Variants in PNMA3 observed in about 807,000 individuals in gnomAD.
The protein encoded by PNMA3 is PNMA family member 3.
In PNMA3, 10 loss-of-function variants were observed where a neutral mutation model predicts 25.1. The ratio of observed to expected loss-of-function variants is 0.40; its 90% CI spans 0.25 to 0.68. The LOEUF (loss-of-function observed/expected upper bound fraction) is 0.68, where lower values mean the gene tolerates loss of function less well. Among genes scored for constraint, PNMA3 ranks in the 30% least tolerant of loss-of-function variants. The probability of loss-of-function intolerance (pLI) is 0.40; values close to 1 mark genes in which losing one functional copy is unlikely to be tolerated. For synonymous variants in PNMA3, 134 were observed against 148.7 expected, an observed-to-expected ratio of 0.90 and a Z score of 0.72; for missense variants, 317 against 372.1, an observed-to-expected ratio of 0.85 and a Z score of 1.22.
rs1196753070 is a variant in PNMA3, at chrX:153,057,101, A to G, written c.46A>G (p.Asn16Asp). ...GGACTGGTGTCGGGGGGAACACCTGAACACCCGGAGGTGCATGCTCATCCT... is the reference window on the plus strand; with the variant it reads ...GGACTGGTGTCGGGGGGAACACCTGGACACCCGGAGGTGCATGCTCATCCT... ...LQDWCRGEHL[N>D]TRRCMLILGI... The change falls in exon 2 of 2, where the codon AAC (asparagine) becomes GAC (aspartate). Residue 16 changes from asparagine to aspartate, a missense_variant. Coordinates refer to ENST00000593810, the MANE Select transcript of PNMA3 (RefSeq NM_013364.6). The G allele has an allele frequency of 5.0e-6, 6 of 1,211,291 alleles. No individual in the cohort carries two copies. Among genetic ancestry groups the G allele is most frequent in the Non-Finnish European group, 5.6e-6 (5 of 895,296 alleles).
In PNMA3 at chrX:153,057,464, A is replaced by G. The variant is rs1412542828; in HGVS notation, c.409A>G (p.Ile137Val). 4.1e-6 allele frequency: 5 copies of G among 1,211,006 alleles called. No homozygotes were observed. The highest frequency in any genetic ancestry group is 4.5e-6 in the Non-Finnish European group (4 of 895,135). The change falls in exon 2 of 2, where the codon ATA (isoleucine) becomes GTA (valine). Residue 137 changes from isoleucine to valine, a missense_variant. Transcript: ENST00000593810. Reference protein sequence around the residue: ...DTNCSAPRVTISPEFWTWAQT... With the variant: ...DTNCSAPRVTVSPEFWTWAQT... ...CAATTGTTCGGCTCCAAGAGTGACTATATCACCAGAGTTCTGGACCTGGGC... is the reference window on the plus strand; with the variant it reads ...CAATTGTTCGGCTCCAAGAGTGACTGTATCACCAGAGTTCTGGACCTGGGC...
In PNMA3 at chrX:153,057,992, C is replaced by T; in HGVS notation, c.937C>T (p.Leu313=). 1 of 1,212,396 alleles carries T rather than the reference C, an allele frequency of 8.2e-7. No individual in the cohort carries two copies. ...TGACAAACTCCGAGATAAGCTTAAG[C>T]TGATGAAACAGCGAAGGAAGCCTCC... ...LPDKLRDKLK[L]MKQRRKPPGF... Residue 313 remains leucine (L), a synonymous_variant, in exon 2 of 2, where the codon CTG becomes TTG. Coordinates refer to ENST00000593810, the MANE Select transcript of PNMA3 (RefSeq NM_013364.6).
In PNMA3 at chrX:153,059,558, C is replaced by G; in HGVS notation, c.*1111C>G. On this transcript the variant is annotated 3_prime_UTR_variant, in exon 2 of 2. Coordinates refer to ENST00000593810, the MANE Select transcript of PNMA3 (RefSeq NM_013364.6). ...ATGCCTGGGTCTCCCAAGAGGGGTCCCCCAACTCACTGTTCCCGGGACAGG... is the reference window on the plus strand; with the variant it reads ...ATGCCTGGGTCTCCCAAGAGGGGTCGCCCAACTCACTGTTCCCGGGACAGG... The G allele has an allele frequency of 8.0e-6, 1 of 125,077 alleles. No homozygotes were observed. The allele number at this position is 125,077 out of a possible 1,213,427, so 10.3% of individuals were successfully genotyped here. A position where few individuals can be genotyped will look rare whatever the true frequency, so the allele number is the denominator to read the frequency against.
rs782477150 is a variant in PNMA3 at position 153,056,935 on chromosome X, T to C, written c.-106-15T>C. 1.7e-3 allele frequency: 1,680 copies of C among 1,011,098 alleles called. 2 individuals are homozygous for C. The highest frequency in any genetic ancestry group is 2.1e-3 in the Non-Finnish European group (1,563 of 753,384). The allele number at this position is 1,011,098 out of a possible 1,213,427, so 83.3% of individuals were successfully genotyped here. On this transcript the variant is annotated splice_polypyrimidine_tract_variant and intron_variant, in intron 1 of 1. Transcript: ENST00000593810. ...GTGGGCATTAACCTCGCTCTCGCCC[T>C]GCTCGCATTCACAGGCTGTGGAGAC...
Position 153,057,985 on chromosome X carries a change from G to A in PNMA3, c.930G>A (p.Lys310=), listed in dbSNP as rs1556932321. The A allele has an allele frequency of 2.5e-6, 3 of 1,211,424 alleles. No homozygotes were observed. The highest frequency in any genetic ancestry group is 5.9e-5 in the East Asian group (2 of 33,802). Residue 310 remains lysine, a synonymous_variant, in exon 2 of 2, where the codon AAG becomes AAA. Coordinates refer to ENST00000593810, the MANE Select transcript of PNMA3 (RefSeq NM_013364.6). The stretch of plus-strand genomic sequence containing the variant: ...CCCTTCCTGACAAACTCCGAGATAA[G>A]CTTAAGCTGATGAAACAGCGAAGGA... ...GATLPDKLRD[K]LKLMKQRRKP...
At chrX:153,056,859 G>A in intron 1 of PNMA3, 91 bp from the exon 2 acceptor site, 1 of 479,323 alleles carries the variant, frequency 2.1e-6, no homozygotes, top group Non-Finnish European at 3.1e-6. Context: ...CGGGGAGGAG[G>A]GCGGCTGGGG....
In PNMA3 at chrX:153,058,142, G is replaced by A. The variant is rs200461938; in HGVS notation, c.1087G>A (p.Val363Ile). ...APRPPARITG[V>I]GAVPLPASGN... Reference sequence around the variant, plus strand: ...AAGGCCACCTGCCAGGATCACTGGGGTTGGGGCAGTACCTCTCCCTGCCTC... The same window carrying A: ...AAGGCCACCTGCCAGGATCACTGGGATTGGGGCAGTACCTCTCCCTGCCTC... The change falls in exon 2 of 2, where the codon GTT becomes ATT. Residue 363 changes from valine (V) to isoleucine (I), a missense_variant. Transcript: ENST00000593810. 3.3e-6 allele frequency: 4 copies of A among 1,210,834 alleles called. No individual in the cohort carries two copies.
At position 153,058,427 on chromosome X, in the gene PNMA3, C is replaced by T; in HGVS notation, c.1372C>T (p.Pro458Ser). Residue 458 changes from proline to serine, a missense_variant, in exon 2 of 2, where the codon CCC (proline) becomes TCC (serine). Transcript: ENST00000593810. ...NGNWAWDKSH[P>S]KSKAK ...GAACTGGGCTTGGGACAAGAGCCATCCCAAGTCCAAGGCCAAGTAGGCTCG... is the reference window on the plus strand; with the variant it reads ...GAACTGGGCTTGGGACAAGAGCCATTCCAAGTCCAAGGCCAAGTAGGCTCG... 1 of 1,212,038 alleles carries T rather than the reference C, an allele frequency of 8.3e-7. No individual in the cohort carries two copies.
At position 153,057,526 on chromosome X, in the gene PNMA3, A is replaced by G; in HGVS notation, c.471A>G (p.Glu157=). The change falls in exon 2 of 2, where the codon GAA becomes GAG. Residue 157 remains glutamate (E), a synonymous_variant. Coordinates refer to ENST00000593810, the MANE Select transcript of PNMA3 (RefSeq NM_013364.6). ...TLGAAVQPLL[E]QMLYRELRVF... The stretch of plus-strand genomic sequence containing the variant: ...GGGCAGCAGTGCAGCCTCTGCTAGA[A>G]CAAATGTTGTACCGAGAACTAAGAG... 1 of 1,211,826 alleles carries G rather than the reference A, an allele frequency of 8.3e-7. No homozygotes were observed. Among genetic ancestry groups the G allele is most frequent in the South Asian group, 1.8e-5 (1 of 56,982 alleles).
Position 153,056,959 on chromosome X carries a change from A to G in PNMA3, c.-97A>G. The G allele has an allele frequency of 9.1e-7, 1 of 1,101,873 alleles. No homozygotes were observed. Among genetic ancestry groups the G allele is most frequent in the East Asian group, 3.0e-5 (1 of 32,835 alleles). 90.8% of individuals were successfully genotyped at this position (1,101,873 alleles called of 1,213,427 possible). On this transcript the variant is annotated 5_prime_UTR_variant, in exon 2 of 2. Transcript: ENST00000593810. ...CTGCTCGCATTCACAGGCTGTGGAG[A>G]CCTGGGCCTTCTGCGATCACCCTAG...
chrX:153,057,710 G>A lies in PNMA3; in HGVS notation c.655G>A (p.Gly219Arg). Reference protein sequence around the residue: ...LRGPALQVVSGLRASNASITV... With the variant: ...LRGPALQVVSRLRASNASITV... Reference sequence around the variant, plus strand: ...GGGCCCTGCTCTCCAGGTGGTCAGTGGGCTCCGGGCCAGCAATGCTTCCAT... The same window carrying A: ...GGGCCCTGCTCTCCAGGTGGTCAGTAGGCTCCGGGCCAGCAATGCTTCCAT... The change falls in exon 2 of 2, where the codon GGG becomes AGG. Residue 219 changes from glycine to arginine, a missense_variant. Transcript: ENST00000593810. 1 of 1,212,147 alleles carries A rather than the reference G, an allele frequency of 8.2e-7. No individual in the cohort carries two copies. Among genetic ancestry groups the A allele is most frequent in the Non-Finnish European group, 1.1e-6 (1 of 895,593 alleles).
chrX:153,057,380 T>A lies in PNMA3; in HGVS notation c.325T>A (p.Phe109Ile). The A allele has an allele frequency of 8.3e-7, 1 of 1,211,941 alleles. No homozygotes were observed. Among genetic ancestry groups the A allele is most frequent in the Non-Finnish European group, 1.1e-6 (1 of 895,516 alleles). ...DGEFLNRLNR[F>I]LEEERRTVSD... ...GGAATTTCTCAACAGACTGAACCGC[T>A]TCTTAGAGGAGGAGAGGCGGACCGT... The change falls in exon 2 of 2, where the codon TTC becomes ATC. Residue 109 changes from phenylalanine to isoleucine, a missense_variant. Coordinates refer to ENST00000593810, the MANE Select transcript of PNMA3 (RefSeq NM_013364.6).
At position 153,060,070 on chromosome X, in the gene PNMA3, C is replaced by T. The variant is rs2051173037; in HGVS notation, c.*1623C>T. On this transcript the variant is annotated 3_prime_UTR_variant, in exon 2 of 2. Transcript: ENST00000593810. ...TTGGTGTTCCACCCCTGTTGTTACT[C>T]ATGACTCAGTTTCCTTAACCTGGTA... is the stretch of plus-strand genomic sequence containing the variant. 8.0e-6 allele frequency: 1 copy of T among 124,773 alleles called. No homozygotes were observed. The highest frequency in any genetic ancestry group is 1.9e-5 in the Non-Finnish European group (1 of 53,689). 10.3% of individuals were successfully genotyped at this position (124,773 alleles called of 1,213,427 possible).
In PNMA3 at chrX:153,058,703, C is replaced by A; in HGVS notation, c.*256C>A. The A allele has an allele frequency of 2.3e-6, 2 of 879,664 alleles. No homozygotes were observed. Among genetic ancestry groups the A allele is most frequent in the Non-Finnish European group, 3.1e-6 (2 of 635,088 alleles). 72.5% of individuals were successfully genotyped at this position (879,664 alleles called of 1,213,427 possible). ...AGGTGCTGGAGAGGAAAGCAGGGAG[C>A]CACTGCATCCAGCACATGGGGTGCC... On this transcript the variant is annotated 3_prime_UTR_variant, in exon 2 of 2. Transcript: ENST00000593810.
rs782050153 is a variant in PNMA3, at chrX:153,057,425, C to T, written c.370C>T (p.Leu124Phe). The T allele has an allele frequency of 5.8e-6, 7 of 1,210,551 alleles. No homozygotes were observed. The Admixed American group carries it at 1.5e-4, about 26-fold the overall frequency. The change falls in exon 2 of 2, where the codon CTC becomes TTC. Residue 124 changes from leucine (L) to phenylalanine (F), a missense_variant. By Grantham distance (22) the Leu-to-Phe change is conservative (BLOSUM62 0). Coordinates refer to ENST00000593810, the MANE Select transcript of PNMA3 (RefSeq NM_013364.6). ...GACCGTGTCAGATATGAACCGAGTCCTCGGGTCGGACACCAATTGTTCGGC... is the reference window on the plus strand; with the variant it reads ...GACCGTGTCAGATATGAACCGAGTCTTCGGGTCGGACACCAATTGTTCGGC... ...RRTVSDMNRV[L>F]GSDTNCSAPR...
rs145960568 is a variant in PNMA3 at position 153,057,542 on chromosome X, G to A, written c.487G>A (p.Glu163Lys). 8.1e-5 allele frequency: 98 copies of A among 1,210,243 alleles called. No individual in the cohort carries two copies. The highest frequency in any genetic ancestry group is 4.6e-4 in the South Asian group (26 of 56,799). Reference protein sequence around the residue: ...QPLLEQMLYRELRVFSGNTIS... With the variant: ...QPLLEQMLYRKLRVFSGNTIS... ...TCTGCTAGAACAAATGTTGTACCGA[G>A]AACTAAGAGTGTTTTCTGGGAACAC... Residue 163 changes from glutamate (E) to lysine (K), a missense_variant, in exon 2 of 2, where the codon GAA (glutamate) becomes AAA (lysine). Coordinates refer to ENST00000593810, the MANE Select transcript of PNMA3 (RefSeq NM_013364.6).
rs782050085 is a variant in PNMA3 at position 153,058,593 on chromosome X, T to C, written c.*146T>C. On this transcript the variant is annotated 3_prime_UTR_variant, in exon 2 of 2. Transcript: ENST00000593810. Reference sequence around the variant, plus strand: ...GCAGCCAGACCAAGGCCAAGCCTTCTCACCCTTGGCCAGCTGGAAGGGACT... The same window carrying C: ...GCAGCCAGACCAAGGCCAAGCCTTCCCACCCTTGGCCAGCTGGAAGGGACT... 9.3e-6 allele frequency: 11 copies of C among 1,177,336 alleles called. No homozygotes were observed. Among genetic ancestry groups the C allele is most frequent in the Non-Finnish European group, 1.3e-5 (11 of 878,651 alleles).
In PNMA3 at chrX:153,058,188, G is replaced by A; in HGVS notation, c.1133G>A (p.Arg378Lys). 8.3e-7 allele frequency: 1 copy of A among 1,212,017 alleles called. No individual in the cohort carries two copies. Residue 378 changes from arginine (R) to lysine (K), a missense_variant, in exon 2 of 2, where the codon AGG (arginine) becomes AAG (lysine). Arg to Lys is a conservative substitution (Grantham distance 26). Coordinates refer to ENST00000593810, the MANE Select transcript of PNMA3 (RefSeq NM_013364.6). ...GCCTCTGGCAACAGTTTTGATGCGA[G>A]GCCTTCCCAGGGCTACCGGCGCCGG... ...LPASGNSFDARPSQGYRRRRG... is the reference protein window; with the variant it reads ...LPASGNSFDAKPSQGYRRRRG...
At position 153,058,620 on chromosome X, in the gene PNMA3, C is replaced by T; in HGVS notation, c.*173C>T. 11 of 1,165,882 alleles carry T rather than the reference C, an allele frequency of 9.4e-6. No individual in the cohort carries two copies. Among genetic ancestry groups the T allele is most frequent in the Non-Finnish European group, 1.3e-5 (11 of 871,797 alleles). On this transcript the variant is annotated 3_prime_UTR_variant, in exon 2 of 2. Transcript: ENST00000593810. ...ACCCTTGGCCAGCTGGAAGGGACTT[C>T]AGCAACCAAGACCACCTGGCAACAG...
Sources: allele counts gnomAD v4.1 joint callset, GRCh38; gene constraint gnomAD v4.1.1; transcripts MANE v1.5; gene names NCBI Gene and HGNC (gene_info 2026-07-23, HGNC 2026-07-21).